Variants in SLX9 observed in about 807,000 individuals in gnomAD.
SLX9 encodes the protein ribosome biogenesis protein SLX9 homolog.
A neutral mutation model predicts 20.8 loss-of-function variants in SLX9; 19 were observed. The ratio of observed to expected loss-of-function variants is 0.91; its 90% CI spans 0.64 to 1.34. The LOEUF is 1.34. Among genes scored for constraint, SLX9 ranks in the 40% most tolerant of loss-of-function variants. SLX9 has a pLI of 0.00. For missense variants in SLX9, 299 were observed against 322.2 expected (o/e 0.93, Z 0.55); for synonymous variants, 113 against 137.1 (o/e 0.82, Z 1.23).
At chr21:44,960,482 C>T (rs1005983817) in intron 3 of SLX9, among the ~76,000 whole-genome samples, 4 of 152,278 alleles carry the variant, frequency 2.6e-5, no homozygotes, top group Non-Finnish European at 5.9e-5. Context: ...TGGGAAGCTG[C>T]TGCTCTCGGC....
chr21:44,968,238 A>AC (rs2085076332), intron 4 of SLX9, among the ~76,000 whole-genome samples: 1 of 148,392 alleles, frequency 6.7e-6, no homozygotes, highest in Admixed American at 6.7e-5. Context: ...CAACCCTGCC[A>AC]CCCGGTGACG....
intron 2 of SLX9, among the ~76,000 whole-genome samples, chr21:44,949,272 G>A (rs1279000021): frequency 6.6e-6 from 1 of 152,118 alleles, no homozygotes. Flanking sequence ...GGCCTTGCCC[G>A]GGGGCTGCTC....
chr21:44,944,911 C>T (rs994133182), intron 2 of SLX9, among the ~76,000 whole-genome samples: 1 of 152,226 alleles, frequency 6.6e-6, no homozygotes, highest in African/African-American at 2.4e-5. Context: ...CTCCTAAGTT[C>T]TGGCAGTTTT....
At chr21:44,946,944 T>C (rs2084654242) in intron 2 of SLX9, among the ~76,000 whole-genome samples, 2 of 152,194 alleles carry the variant, frequency 1.3e-5, no homozygotes, top group Non-Finnish European at 2.9e-5. Context: ...GGGTGGGACC[T>C]GCAGACCCTT....
At chr21:44,972,955 G>T (rs2085180279) in intron 4 of SLX9, 1 of 588,348 alleles carries the variant, frequency 1.7e-6, no homozygotes, top group Admixed American at 3.0e-5. Flanking sequence ...CGCGGTCACA[G>T]GACGGTCAGG....
intron 3 of SLX9, among the ~76,000 whole-genome samples, chr21:44,963,844 G>A (rs931078571): frequency 6.6e-5 from 10 of 152,160 alleles, no homozygotes; most frequent in African/African-American, 2.4e-4. Flanking sequence ...GATAACATAA[G>A]TCCTTTTTGT....
At chr21:44,951,916 C>T (rs961258239) in intron 2 of SLX9, among the ~76,000 whole-genome samples, 3 of 131,722 alleles carry the variant, frequency 2.3e-5, no homozygotes, top group African/African-American at 8.9e-5. Context: ...CAGAGACTGG[C>T]CCAGGCGGGT....
upstream of SLX9, chr21:44,939,909 G>A (rs1321242872): frequency 1.3e-6 from 1 of 777,604 alleles, no homozygotes; most frequent in African/African-American, 1.9e-5. Context: ...CCCTACACCC[G>A]CGACCCTGCG....
intron 5 of SLX9, among the ~76,000 whole-genome samples, chr21:44,973,928 C>T (rs143782933): frequency 7.9e-5 from 12 of 152,272 alleles, no homozygotes; most frequent in African/African-American, 2.2e-4. Context: ...GATGGGTGGA[C>T]GCAGCCCCAT....
At chr21:44,946,528 G>C (rs1037802146) in intron 2 of SLX9, among the ~76,000 whole-genome samples, 1 of 152,258 alleles carries the variant, frequency 6.6e-6, no homozygotes, top group Non-Finnish European at 1.5e-5. Context: ...CCAGGAGCCG[G>C]TGGCTTTGTG....
intron 2 of SLX9, among the ~76,000 whole-genome samples, chr21:44,955,691 T>C (rs577025378): frequency 8.8e-4 from 134 of 152,302 alleles, no homozygotes; most frequent in Non-Finnish European, 1.4e-3. Context: ...GGCCCCCTCT[T>C]TTCTTTACAA....
intron 1 of SLX9, 145 bp downstream of exon 1, chr21:44,940,331 T>G: frequency 1.7e-6 from 2 of 1,144,852 alleles, no homozygotes; most frequent in Non-Finnish European, 2.2e-6. Context: ...GCGACCTTCT[T>G]GCTTCGCGAA....
At chr21:44,943,949 T>C (rs1432757754) in intron 2 of SLX9, 112 bp downstream of exon 2, 2 of 1,437,478 alleles carry the variant, frequency 1.4e-6, no homozygotes, top group African/African-American at 2.8e-5. Context: ...GACAATGTCC[T>C]TGAGCAAGGG....
intron 2 of SLX9, among the ~76,000 whole-genome samples, chr21:44,957,064 G>T (rs891976027): frequency 4.6e-5 from 7 of 152,236 alleles, no homozygotes; most frequent in African/African-American, 1.7e-4. Context: ...TCTTGTCAGG[G>T]TTTTTAGGCA....
chr21:44,964,767 G>T (rs986725178), intron 3 of SLX9, among the ~76,000 whole-genome samples: 58 of 152,196 alleles, frequency 3.8e-4, no homozygotes, highest in African/African-American at 1.4e-3. Context: ...TTAAAAATTT[G>T]CCAGTCTATG....
At chr21:44,949,539 A>G (rs1039874173) in intron 2 of SLX9, among the ~76,000 whole-genome samples, 12 of 152,166 alleles carry the variant, frequency 7.9e-5, no homozygotes, top group Non-Finnish European at 1.6e-4. Flanking sequence ...GCCAGAGCGC[A>G]CCATGGAGCC....
At chr21:44,972,071 T>A (rs1220545971) in intron 4 of SLX9, among the ~76,000 whole-genome samples, 5 of 152,156 alleles carry the variant, frequency 3.3e-5, no homozygotes, top group Admixed American at 6.5e-5. Flanking sequence ...TGTCTGTCAT[T>A]CATATTTTAA....
At chr21:44,943,255 G>T (rs1003049841) in intron 1 of SLX9, among the ~76,000 whole-genome samples, 5 of 152,346 alleles carry the variant, frequency 3.3e-5, no homozygotes, top group Admixed American at 1.3e-4. Flanking sequence ...GACTAGTTCT[G>T]ATGGGATGTG....
Position 44,976,963 on chromosome 21 carries a change from G to A in SLX9, c.*160G>A. 9.7e-7 allele frequency: 1 copy of A among 1,036,154 alleles called. No individual in the cohort carries two copies. Among genetic ancestry groups the A allele is most frequent in the Non-Finnish European group, 1.4e-6 (1 of 722,118 alleles). The allele number at this position is 1,036,154 out of a possible 1,614,324, so 64.2% of individuals were successfully genotyped here. On this transcript the variant is annotated 3_prime_UTR_variant, in exon 6 of 6. Coordinates refer to ENST00000291634, the MANE Select transcript of SLX9 (RefSeq NM_058190.4). ...CTGTGAACTTCCCCTGCACTGCCAG[G>A]GCCGTTCCCATGAGCTGCTTCCCTG...
Sources: gnomAD v4.1 joint callset for allele counts (sites outside exome capture counted in the v4.1 genomes callset) on GRCh38, gnomAD v4.1.1 for gene constraint, MANE v1.5 for transcripts, NCBI Gene and HGNC (gene_info 2026-07-23, HGNC 2026-07-21) for gene names.